The following PPIB variants were observed in gnomAD, a reference collection of about 807,000 sequenced individuals.
PPIB encodes the protein peptidyl-prolyl cis-trans isomerase B.
A neutral mutation model predicts 20.1 loss-of-function variants in PPIB; 15 were observed. The ratio of observed to expected loss-of-function variants is 0.75; its 90% CI spans 0.50 to 1.15. PPIB has a LOEUF of 1.15. PPIB is among the 50% of genes most tolerant of loss of function. PPIB has a pLI of 0.00. For synonymous variants in PPIB, 129 were observed against 111.0 expected, an observed-to-expected ratio of 1.16 and a Z score of -1.02; for missense variants, 278 against 283.0, an observed-to-expected ratio of 0.98 and a Z score of 0.13.
rs869068016 is a variant in PPIB at position 64,159,411 on chromosome 15, A to ATT, written c.343+691_343+692dup. 2 of 152,516 alleles carry ATT rather than the reference A, an allele frequency of 1.3e-5. No homozygotes were observed. Among genetic ancestry groups the ATT allele is most frequent in the Admixed American group, 1.3e-4 (2 of 15,340 alleles). The allele number at this position is 152,516 out of a possible 1,614,324, so 9.4% of individuals were successfully genotyped here. On this transcript the variant is annotated intron_variant, in intron 3 of 4. Transcript: ENST00000300026. This position sits in a 1 kb window ranked among gnomAD's most constrained non-coding sequence, Gnocchi z 5.1. ...AGTAACTGCTCCCACTCTTTTTTTT[A>ATT]TTTTTTTGAGATGGAGTCTCGCTCT...
chr15:64,156,027 T>G lies in PPIB; in HGVS notation c.647A>C (p.Glu216Ala), dbSNP rs1223993251. The G allele has an allele frequency of 1.9e-6, 3 of 1,614,138 alleles. No homozygotes were observed. In the South Asian group the frequency reaches 3.3e-5, roughly 18 times the overall value. The change falls in exon 5 of 5, where the codon GAG becomes GCG. Residue 216 changes from glutamate to alanine, a missense_variant. Glu to Ala is a moderately radical substitution (Grantham distance 107, BLOSUM62 -1). Transcript: ENST00000300026. This position sits in a 1 kb window ranked among gnomAD's most constrained non-coding sequence, Gnocchi z 6.4. ...EVEKPFAIAK[E>A] ...AAAGAAAGATGTCCCTGTGCCCTAC[T>G]CCTTGGCGATGGCAAAGGGCTTCTC... is the stretch of plus-strand genomic sequence containing the variant.
Position 64,156,001 on chromosome 15 carries a change from CAAAG to C in PPIB, c.*18_*21del, listed in dbSNP as rs2081527249. The stretch of plus-strand genomic sequence containing the variant: ...TACAGGGCCTGCACAGACGGTCACT[CAAAG>C]AAAGATGTCCCTGTGCCCTACTCCT... On this transcript the variant is annotated 3_prime_UTR_variant, in exon 5 of 5. Coordinates refer to ENST00000300026, the MANE Select transcript of PPIB (RefSeq NM_000942.5). The surrounding 1 kb of genome is among the most constrained non-coding windows in gnomAD (Gnocchi z 6.4). The C allele has an allele frequency of 2.5e-6, 4 of 1,614,092 alleles. No homozygotes were observed. In the South Asian group the frequency reaches 3.3e-5, roughly 13 times the overall value.
rs776696326 is a variant in PPIB at position 64,160,217 on chromosome 15, G to A, written c.250-20C>T. 2.0e-5 allele frequency: 32 copies of A among 1,583,872 alleles called. No homozygotes were observed. Among genetic ancestry groups the A allele is most frequent in the African/African-American group, 2.7e-5 (2 of 74,204 alleles). On this transcript the variant is annotated intron_variant, in intron 2 of 4. Transcript: ENST00000300026. This position sits in a 1 kb window ranked among gnomAD's most constrained non-coding sequence, Gnocchi z 4.8. ...TCCTTTCTAGAAAAAGGGAAGAGAA[G>A]GTAAGGAGGTGGTATGGGGCAGCAG...
In PPIB at chr15:64,160,583, C is replaced by A. The variant is rs1015222802; in HGVS notation, c.250-386G>T. On this transcript the variant is annotated intron_variant, in intron 2 of 4. Coordinates refer to ENST00000300026, the MANE Select transcript of PPIB (RefSeq NM_000942.5). The surrounding 1 kb of genome is among the most constrained non-coding windows in gnomAD (Gnocchi z 4.8). ...GTTTCCTTAAAACCCACTGCCCTCACCCTAGGTGAAGTCTCCCCAGGAAGC... is the reference window on the plus strand; with the variant it reads ...GTTTCCTTAAAACCCACTGCCCTCAACCTAGGTGAAGTCTCCCCAGGAAGC... Among the ~76,000 whole-genome samples, 3 of 152,250 alleles carry A rather than the reference C, an allele frequency of 2.0e-5. No homozygotes were observed. The highest frequency in any genetic ancestry group is 7.2e-5 in the African/African-American group (3 of 41,470).
At position 64,156,307 on chromosome 15, in the gene PPIB, G is replaced by A. The variant is rs2081530980; in HGVS notation, c.529-162C>T. On this transcript the variant is annotated intron_variant, in intron 4 of 4. Transcript: ENST00000300026. This position sits in a 1 kb window ranked among gnomAD's most constrained non-coding sequence, Gnocchi z 6.4. ...TTCTAACAGACTCCTGGCCAGAGCA[G>A]GGAGAATGCAGATTTGACGAGGGGG... is the stretch of plus-strand genomic sequence containing the variant. 12 of 942,150 alleles carry A rather than the reference G, an allele frequency of 1.3e-5. No homozygotes were observed. In the South Asian group the frequency reaches 1.4e-4, roughly 11 times the overall value. The allele number at this position is 942,150 out of a possible 1,614,324, so 58.4% of individuals were successfully genotyped here. A position where few individuals can be genotyped will look rare whatever the true frequency, so the allele number is the denominator to read the frequency against.
At position 64,157,097 on chromosome 15, in the gene PPIB, A is replaced by G; in HGVS notation, c.344-188T>C. The G allele has an allele frequency of 1.6e-6, 1 of 627,816 alleles. No individual in the cohort carries two copies. 38.9% of individuals were successfully genotyped at this position (627,816 alleles called of 1,614,324 possible). A position where few individuals can be genotyped will look rare whatever the true frequency, so the allele number is the denominator to read the frequency against. ...AGCCAAGCCATGCTGACTGAGGCCA[A>G]GTGGGGCATCAGGCCAGGCTGATGT... is the stretch of plus-strand genomic sequence containing the variant. On this transcript the variant is annotated intron_variant, in intron 3 of 4. Transcript: ENST00000300026. The surrounding 1 kb of genome is among the most constrained non-coding windows in gnomAD (Gnocchi z 4.2).
chr15:64,160,135 G>C lies in PPIB; in HGVS notation c.312C>G (p.Gly104=), dbSNP rs753222182. 1 of 1,613,962 alleles carries C rather than the reference G, an allele frequency of 6.2e-7. No homozygotes were observed. The highest frequency in any genetic ancestry group is 1.1e-5 in the South Asian group (1 of 91,078). The change falls in exon 3 of 5, where the codon GGC becomes GGG. Residue 104 remains glycine, a synonymous_variant. Transcript: ENST00000300026. The surrounding 1 kb of genome is among the most constrained non-coding windows in gnomAD (Gnocchi z 4.8). ...TGCCATCTCCCCTGGTGAAGTCTCC[G>C]CCCTGGATCATGAAGTCCTTGATTA... is the stretch of plus-strand genomic sequence containing the variant. ...HRVIKDFMIQ[G]GDFTRGDGTG...
Position 64,156,246 on chromosome 15 carries a change from A to T in PPIB, c.529-101T>A. On this transcript the variant is annotated intron_variant, in intron 4 of 4. Coordinates refer to ENST00000300026, the MANE Select transcript of PPIB (RefSeq NM_000942.5). This position sits in a 1 kb window ranked among gnomAD's most constrained non-coding sequence, Gnocchi z 6.4. ...TGGCTCAGGAGGGCTAAGACCCACA[A>T]GTGATCAACAGCACACAAAACTGGA... is the stretch of plus-strand genomic sequence containing the variant. The T allele has an allele frequency of 6.9e-7, 1 of 1,459,120 alleles. No individual in the cohort carries two copies. The highest frequency in any genetic ancestry group is 2.4e-5 in the East Asian group (1 of 41,760). The allele number at this position is 1,459,120 out of a possible 1,614,324, so 90.4% of individuals were successfully genotyped here.
In PPIB at chr15:64,161,257, C is replaced by T. The variant is rs116602283; in HGVS notation, c.249+784G>A. On this transcript the variant is annotated intron_variant, in intron 2 of 4. Transcript: ENST00000300026. This position sits in a 1 kb window ranked among gnomAD's most constrained non-coding sequence, Gnocchi z 4.2. ...GACTACAGGCATGAGTTACTGCGCC[C>T]GGCCTTTTATTTTTAATTAATTTAT... Among the ~76,000 whole-genome samples the T allele has an allele frequency of 0.011, 1,697 of 152,026 alleles. 15 individuals are homozygous for T. The highest frequency in any genetic ancestry group is 0.019 in the African/African-American group (783 of 41,454).
chr15:64,156,301 A>G lies in PPIB; in HGVS notation c.529-156T>C. ...CCAAAATTCTAACAGACTCCTGGCCAGAGCAGGGAGAATGCAGATTTGACG... is the reference window on the plus strand; with the variant it reads ...CCAAAATTCTAACAGACTCCTGGCCGGAGCAGGGAGAATGCAGATTTGACG... On this transcript the variant is annotated intron_variant, in intron 4 of 4. Transcript: ENST00000300026. The surrounding 1 kb of genome is among the most constrained non-coding windows in gnomAD (Gnocchi z 6.4). 1 of 964,784 alleles carries G rather than the reference A, an allele frequency of 1.0e-6. No homozygotes were observed. Among genetic ancestry groups the G allele is most frequent in the East Asian group, 2.6e-5 (1 of 38,160 alleles). The allele number at this position is 964,784 out of a possible 1,614,324, so 59.8% of individuals were successfully genotyped here.
Position 64,155,832 on chromosome 15 carries a change from A to AC in PPIB, c.*190_*191insG, listed in dbSNP as rs2081525292. The stretch of plus-strand genomic sequence containing the variant: ...ACACATTATATATTAAAAAAAAAAA[A>AC]ACCCACATTTTTTTTTATTGGTCAG... On this transcript the variant is annotated 3_prime_UTR_variant, in exon 5 of 5. Transcript: ENST00000300026. 3.8e-6 allele frequency: 3 copies of AC among 797,764 alleles called. No individual in the cohort carries two copies. Among genetic ancestry groups the AC allele is most frequent in the Non-Finnish European group, 5.9e-6 (3 of 511,318 alleles). 49.4% of individuals were successfully genotyped at this position (797,764 alleles called of 1,614,324 possible).
At position 64,156,145 on chromosome 15, in the gene PPIB, C is replaced by A. The variant is rs760777976; in HGVS notation, c.529G>T (p.Glu177Ter). The A allele has an allele frequency of 6.2e-7, 1 of 1,614,130 alleles. No homozygotes were observed. Among genetic ancestry groups the A allele is most frequent in the Non-Finnish European group, 8.5e-7 (1 of 1,180,032 alleles). Residue 177 changes from glutamate (E) to a stop codon, truncating the protein, a stop_gained and splice_region_variant, in exon 5 of 5, where the codon GAG (glutamate) becomes TAG (stop). Coordinates refer to ENST00000300026, the MANE Select transcript of PPIB (RefSeq NM_000942.5). LOFTEE classifies it high-confidence loss of function. This position sits in a 1 kb window ranked among gnomAD's most constrained non-coding sequence, Gnocchi z 6.4. ...GTGCTCTCCACCTTCCGCACCACCTCCTGGAAAAGAAAGGTGGAAGCAGGA... is the reference window on the plus strand; with the variant it reads ...GTGCTCTCCACCTTCCGCACCACCTACTGGAAAAGAAAGGTGGAAGCAGGA... ...VVFGKVLEGM[E>*]VVRKVESTKT...
At chr15:64,162,264 T>A (rs1432509691) in intron 1 of PPIB, 110 bp from the exon 2 acceptor site, 8 of 818,124 alleles carry the variant, frequency 9.8e-6, no homozygotes, top group Admixed American at 1.7e-5. Flanking sequence ...GCCATATTTT[T>A]AGAGAAGTGG....
In PPIB at chr15:64,160,239, G is replaced by C. The variant is rs1333267514; in HGVS notation, c.250-42C>G. On this transcript the variant is annotated intron_variant, in intron 2 of 4. Transcript: ENST00000300026. This position sits in a 1 kb window ranked among gnomAD's most constrained non-coding sequence, Gnocchi z 4.8. Reference sequence around the variant, plus strand: ...GAAGGTAAGGAGGTGGTATGGGGCAGCAGGAAGACATTACATTAAATAGGC... The same window carrying C: ...GAAGGTAAGGAGGTGGTATGGGGCACCAGGAAGACATTACATTAAATAGGC... 2 of 1,491,408 alleles carry C rather than the reference G, an allele frequency of 1.3e-6. No homozygotes were observed. Among genetic ancestry groups the C allele is most frequent in the Non-Finnish European group, 1.9e-6 (2 of 1,068,410 alleles). 92.4% of individuals were successfully genotyped at this position (1,491,408 alleles called of 1,614,324 possible).
In PPIB at chr15:64,156,091, TCAGGG is replaced by T; in HGVS notation, c.578_582del (p.Pro193GlnfsTer31). On this transcript the variant is annotated frameshift_variant, in exon 5 of 5. Transcript: ENST00000300026. LOFTEE classifies it high-confidence loss of function. This position sits in a 1 kb window ranked among gnomAD's most constrained non-coding sequence, Gnocchi z 6.4. ...CCGCAGTCTGCGATGATCACATCCT[TCAGGG>T]GTTTATCCCGGCTGTCTGTCTTGGT... The T allele has an allele frequency of 6.2e-7, 1 of 1,614,186 alleles. No homozygotes were observed. Among genetic ancestry groups the T allele is most frequent in the Non-Finnish European group, 8.5e-7 (1 of 1,180,036 alleles).
rs755792823 is a variant in PPIB at position 64,156,782 on chromosome 15, G to C, written c.471C>G (p.Val157=). ...GCTTGCCATCTAGCCAGGCTGTCTT[G>C]ACTGTCGTGATGAAGAACTGGGAGC... is the stretch of plus-strand genomic sequence containing the variant. ...TNGSQFFITT[V]KTAWLDGKHV... is the part of the protein sequence containing the mutation. Residue 157 remains valine (V), a synonymous_variant, in exon 4 of 5, where the codon GTC becomes GTG. Coordinates refer to ENST00000300026, the MANE Select transcript of PPIB (RefSeq NM_000942.5). The surrounding 1 kb of genome is among the most constrained non-coding windows in gnomAD (Gnocchi z 6.4). The C allele has an allele frequency of 9.3e-6, 15 of 1,614,210 alleles. No homozygotes were observed. In the South Asian group the frequency reaches 1.5e-4, roughly 17 times the overall value.
intron 1 of PPIB, 89 bp from the exon 2 acceptor site, chr15:64,162,243 GAGAGAATAGAGCCATATTTTT>G: frequency 1.1e-6 from 1 of 892,418 alleles, no homozygotes; most frequent in Non-Finnish European, 1.9e-6. Flanking sequence ...GAGGATGGGA[GAGAGAATAGAGCCATATTTTT>G]AGAGAAGTGG....
rs779535690 is a variant in PPIB, at chr15:64,158,049, C to CTCCA, written c.344-1144_344-1141dup. Among the ~76,000 whole-genome samples the CTCCA allele has an allele frequency of 1.1e-3, 171 of 152,358 alleles. No homozygotes were observed. Among genetic ancestry groups the CTCCA allele is most frequent in the Admixed American group, 3.5e-3 (53 of 15,306 alleles). On this transcript the variant is annotated intron_variant, in intron 3 of 4. Transcript: ENST00000300026. This position sits in a 1 kb window ranked among gnomAD's most constrained non-coding sequence, Gnocchi z 4.7. ...GTTGTTATCCAGAAAACCCCCAAATCTCCATCCTTAGCTCCAGCCACTCTC... is the reference window on the plus strand; with the variant it reads ...GTTGTTATCCAGAAAACCCCCAAATCTCCATCCATCCTTAGCTCCAGCCACTCTC...
Position 64,161,969 on chromosome 15 carries a change from G to T in PPIB, c.249+72C>A. 1 of 1,078,296 alleles carries T rather than the reference G, an allele frequency of 9.3e-7. No homozygotes were observed. The highest frequency in any genetic ancestry group is 1.4e-6 in the Non-Finnish European group (1 of 691,918). 66.8% of individuals were successfully genotyped at this position (1,078,296 alleles called of 1,614,324 possible). On this transcript the variant is annotated intron_variant, in intron 2 of 4. Transcript: ENST00000300026. This position sits in a 1 kb window ranked among gnomAD's most constrained non-coding sequence, Gnocchi z 4.2. ...CGCTACAGATCGGCTGAACTCTGCA[G>T]GTCAGTTTGCTGCCATCCCCAGTGC... is the stretch of plus-strand genomic sequence containing the variant.
Sources: allele counts gnomAD v4.1 joint callset (sites outside exome capture counted in the v4.1 genomes callset), GRCh38; gene constraint gnomAD v4.1.1; non-coding constraint Gnocchi (gnomAD v3.1); transcripts MANE v1.5; gene names NCBI Gene and HGNC (gene_info 2026-07-23, HGNC 2026-07-21).